Variants in PSME4 observed in about 807,000 individuals in gnomAD.
PSME4 encodes proteasome activator complex subunit 4.
PSME4 carries 89 observed loss-of-function variants against 253.9 expected under a neutral mutation model. That is an observed-to-expected ratio of 0.35 (90% CI 0.30 to 0.42). The LOEUF (loss-of-function observed/expected upper bound fraction) is 0.42, where lower values mean the gene tolerates loss of function less well. Ranked by LOEUF, PSME4 falls within the 10% of genes least tolerant of loss-of-function variation. The pLI, the probability that PSME4 is intolerant of heterozygous loss-of-function variation, is 1.00. For synonymous variants in PSME4, 851 were observed against 759.2 expected (o/e 1.12, Z -1.99); for missense variants, 2,014 against 2,195.2 (o/e 0.92, Z 1.65).
chr2:53,922,088 C>T (rs887599747), intron 17 of PSME4, among the ~76,000 whole-genome samples: 7 of 151,830 alleles, frequency 4.6e-5, no homozygotes, highest in East Asian at 1.9e-4. Context: ...AGGAGAATGG[C>T]GTGAAGCTGG....
Position 53,881,000 on chromosome 2 carries a change from G to A in PSME4, c.4815+4690C>T, listed in dbSNP as rs540595484. Among the ~76,000 whole-genome samples, 46 of 151,998 alleles carry A rather than the reference G, an allele frequency of 3.0e-4. No homozygotes were observed. In the East Asian group the frequency reaches 7.7e-3, roughly 26 times the overall value. On this transcript the variant is annotated intron_variant, in intron 41 of 46. Transcript: ENST00000404125. ...CAGCCGTCTCTCTTCCTACCATTAC[G>A]AAAAAAATGTGTCTTTCTAATGAAA...
At chr2:53,962,174 A>G (rs1670522848) in intron 1 of PSME4, among the ~76,000 whole-genome samples, 1 of 152,206 alleles carries the variant, frequency 6.6e-6, no homozygotes, top group Admixed American at 6.5e-5. Flanking sequence ...GATATTTAAG[A>G]ATGTTTGCAA....
intron 20 of PSME4, among the ~76,000 whole-genome samples, chr2:53,910,704 A>G (rs1185516584): frequency 1.3e-5 from 2 of 152,238 alleles, no homozygotes; most frequent in Non-Finnish European, 2.9e-5. Flanking sequence ...CAAGGCTACC[A>G]CAACCAGACC....
chr2:53,869,285 T>C, intron 44 of PSME4, 91 bp downstream of exon 44: 7 of 1,282,582 alleles, frequency 5.5e-6, no homozygotes, highest in Non-Finnish European at 7.4e-6. Flanking sequence ...CCTGGGCACA[T>C]ACATACAAGT....
chr2:53,902,599 A>G (rs1680463613), intron 27 of PSME4, among the ~76,000 whole-genome samples: 1 of 152,122 alleles, frequency 6.6e-6, no homozygotes, highest in Admixed American at 6.5e-5. Flanking sequence ...GTCCATTTAA[A>G]CTGCTCTCAT....
intron 4 of PSME4, among the ~76,000 whole-genome samples, chr2:53,938,199 T>C (rs1316260217): frequency 1.3e-5 from 2 of 152,080 alleles, no homozygotes; most frequent in Non-Finnish European, 2.9e-5. Context: ...GAATCCAGTC[T>C]AAACAGGAAA....
chr2:53,872,110 A>G (rs1573187709), intron 43 of PSME4, among the ~76,000 whole-genome samples: 1 of 152,330 alleles, frequency 6.6e-6, no homozygotes, highest in Non-Finnish European at 1.5e-5. Context: ...TCAAATTGCT[A>G]ACAAATGATC....
Position 53,885,773 on chromosome 2 carries a change from A to G in PSME4, c.4732T>C (p.Leu1578=), listed in dbSNP as rs772630741. 6.2e-7 allele frequency: 1 copy of G among 1,608,764 alleles called. No homozygotes were observed. Among genetic ancestry groups the G allele is most frequent in the African/African-American group, 1.3e-5 (1 of 74,956 alleles). Reference sequence around the variant, plus strand: ...CCTGCACTTGCCATCAGCCATTTCAATACTATTTTGAAAACAAAGATGCAG... The same window carrying G: ...CCTGCACTTGCCATCAGCCATTTCAGTACTATTTTGAAAACAAAGATGCAG... The part of the protein sequence containing the change: ...TQGIKLLKTI[L]KWLMASAGRS... The change falls in exon 41 of 47, where the codon TTG becomes CTG. Residue 1578 remains leucine (L), a splice_region_variant and synonymous_variant. Transcript: ENST00000404125.
chr2:53,890,331 T>C (rs894050613), intron 36 of PSME4, 123 bp from the exon 37 acceptor site: 25 of 677,098 alleles, frequency 3.7e-5, no homozygotes, highest in East Asian at 2.9e-4. Context: ...TTTTGAGACA[T>C]GGTCTCATGC....
Position 53,908,781 on chromosome 2 carries a change from T to C in PSME4, c.2629+3A>G, listed in dbSNP as rs895171946. ...AATAAGTTAAATGTACAGATACACT[T>C]ACTAAGAAGTTTCCTTATAACTGTA... On this transcript the variant is annotated splice_donor_region_variant and intron_variant, in intron 22 of 46. Coordinates refer to ENST00000404125, the MANE Select transcript of PSME4 (RefSeq NM_014614.3). 1 of 1,591,544 alleles carries C rather than the reference T, an allele frequency of 6.3e-7. No homozygotes were observed. Among genetic ancestry groups the C allele is most frequent in the Non-Finnish European group, 8.6e-7 (1 of 1,163,092 alleles).
Position 53,937,267 on chromosome 2 carries a change from A to G in PSME4, c.695+124T>C, listed in dbSNP as rs1669168552. The G allele has an allele frequency of 3.3e-6, 3 of 919,824 alleles. No homozygotes were observed. The East Asian group carries it at 8.4e-5, about 26-fold the overall frequency. 57.0% of individuals were successfully genotyped at this position (919,824 alleles called of 1,614,324 possible). ...GCCTTAACACACTTCAAGTATAATAAACTTGAAGTACAATAATGGCTGAAC... is the reference window on the plus strand; with the variant it reads ...GCCTTAACACACTTCAAGTATAATAGACTTGAAGTACAATAATGGCTGAAC... On this transcript the variant is annotated intron_variant, in intron 5 of 46. Transcript: ENST00000404125.
At chr2:53,927,014 A>G (rs1430890956) in intron 12 of PSME4, among the ~76,000 whole-genome samples, 1 of 152,158 alleles carries the variant, frequency 6.6e-6, no homozygotes. Flanking sequence ...AAGTTTTGAA[A>G]GAGCCAGACA....
At chr2:53,892,416 G>A (rs997056611) in intron 36 of PSME4, among the ~76,000 whole-genome samples, 1 of 152,152 alleles carries the variant, frequency 6.6e-6, no homozygotes, top group African/African-American at 2.4e-5. Flanking sequence ...TAAATGATAA[G>A]GAGGCTAAGA....
Position 53,927,752 on chromosome 2 carries a change from G to A in PSME4, c.1504-269C>T, listed in dbSNP as rs1190019934. 2.0e-5 allele frequency among the ~76,000 whole-genome samples: 3 copies of A among 152,196 alleles called. No individual in the cohort carries two copies. The East Asian group carries it at 5.8e-4, about 29-fold the overall frequency. On this transcript the variant is annotated intron_variant, in intron 11 of 46. Coordinates refer to ENST00000404125, the MANE Select transcript of PSME4 (RefSeq NM_014614.3). ...ACTTAAGGCCAGGAGTTCGAGACCAGCCTGGCCAACATGGTGAAACCCTGT... is the reference window on the plus strand; with the variant it reads ...ACTTAAGGCCAGGAGTTCGAGACCAACCTGGCCAACATGGTGAAACCCTGT...
chr2:53,912,016 T>C (rs1029726610), intron 20 of PSME4, among the ~76,000 whole-genome samples: 10 of 152,364 alleles, frequency 6.6e-5, no homozygotes, highest in African/African-American at 2.4e-4. Context: ...CTGTATAAGA[T>C]TGTAAAATAT....
intron 19 of PSME4, 51 bp downstream of exon 19, chr2:53,920,142 A>C (rs1668230130): frequency 6.8e-7 from 1 of 1,474,264 alleles, no homozygotes; most frequent in Non-Finnish European, 9.1e-7. Flanking sequence ...AAGCCAAAAA[A>C]GACTTCTTTA....
intron 1 of PSME4, among the ~76,000 whole-genome samples, chr2:53,953,414 C>T (rs758564613): frequency 3.4e-5 from 5 of 145,344 alleles, no homozygotes; most frequent in African/African-American, 1.3e-4. Flanking sequence ...CTTTGGGAGG[C>T]GAAGGCAGGA....
At chr2:53,870,758 T>A (rs1678836219) in intron 43 of PSME4, 2 of 152,298 alleles carry the variant, frequency 1.3e-5, no homozygotes, top group African/African-American at 4.8e-5. Flanking sequence ...GTGTAACTTT[T>A]CATATTACAG....
Position 53,895,630 on chromosome 2 carries a change from T to G in PSME4, c.3795A>C (p.Ser1265=), listed in dbSNP as rs923044064. 4 of 1,613,760 alleles carry G rather than the reference T, an allele frequency of 2.5e-6. No individual in the cohort carries two copies. The highest frequency in any genetic ancestry group is 2.5e-6 in the Non-Finnish European group (3 of 1,179,874). ...TIPRTKKEWE[S]SCFVEKTHWG... ...AGTGAGTTTTTTCCACAAAGCAACT[T>G]GACTCCCATTCTTTTTTAGTTCTTG... Residue 1265 remains serine (S), a synonymous_variant, in exon 33 of 47, where the codon TCA becomes TCC. Transcript: ENST00000404125.
Sources: allele counts gnomAD v4.1 joint callset (sites outside exome capture counted in the v4.1 genomes callset), GRCh38; gene constraint gnomAD v4.1.1; transcripts MANE v1.5; gene names NCBI Gene and HGNC (gene_info 2026-07-23, HGNC 2026-07-21).